ARHGAP26: variants seen among roughly 807,000 people sequenced by gnomAD.
The protein encoded by ARHGAP26 is Rho GTPase activating protein 26.
Under a neutral mutation model 104.8 loss-of-function variants are expected in ARHGAP26, and 38 were observed. That is an observed-to-expected ratio of 0.36 (90% CI 0.28 to 0.48). The LOEUF is 0.48. Among genes scored for constraint, ARHGAP26 ranks in the 20% least tolerant of loss-of-function variants. The pLI, the probability that ARHGAP26 is intolerant of heterozygous loss-of-function variation, is 0.99. For synonymous variants in ARHGAP26, 341 were observed against 340.0 expected (o/e 1.00, Z -0.03); for missense variants, 704 against 947.9 (o/e 0.74, Z 3.38).
chr5:142,848,254 C>G (rs888236225), intron 1 of ARHGAP26, among the ~76,000 whole-genome samples: 1 of 152,200 alleles, frequency 6.6e-6, no homozygotes, highest in African/African-American at 2.4e-5. Flanking sequence ...TTGGTTTTAT[C>G]TGGACAGTGA....
intron 4 of ARHGAP26, among the ~76,000 whole-genome samples, chr5:142,883,180 A>C (rs1240844716): frequency 1.3e-5 from 2 of 152,216 alleles, no homozygotes; most frequent in Non-Finnish European, 1.5e-5. Context: ...AAGTTGCCAG[A>C]ATGTCCCAGA....
rs1358689575 is a variant in ARHGAP26, at chr5:143,054,484, G to A, written c.1331G>A (p.Trp444Ter). Residue 444 changes from tryptophan to a stop codon, truncating the protein, a stop_gained, in exon 15 of 23, where the codon TGG becomes TAG. Transcript: ENST00000645722. LOFTEE classifies it high-confidence loss of function. ...ACAGAAACAGATATCTGTGCTGAATGGGAGATAAAGACCATCACTAGTGCT... is the reference window on the plus strand; with the variant it reads ...ACAGAAACAGATATCTGTGCTGAATAGGAGATAAAGACCATCACTAGTGCT... ...SETETDICAE[W>*]EIKTITSALK... 6.2e-7 allele frequency: 1 copy of A among 1,613,558 alleles called. No individual in the cohort carries two copies. The highest frequency in any genetic ancestry group is 2.2e-5 in the East Asian group (1 of 44,872).
intron 12 of ARHGAP26, among the ~76,000 whole-genome samples, chr5:143,020,607 T>C (rs995683452): frequency 2.0e-5 from 3 of 150,634 alleles, no homozygotes; most frequent in African/African-American, 7.3e-5. Flanking sequence ...TCCTTGTGGT[T>C]TGTTTTTAAT....
Position 142,871,818 on chromosome 5 carries a change from A to G in ARHGAP26, c.155-1582A>G, listed in dbSNP as rs959139470. Among the ~76,000 whole-genome samples, 20 of 152,196 alleles carry G rather than the reference A, an allele frequency of 1.3e-4. No individual in the cohort carries two copies. Among genetic ancestry groups the G allele is most frequent in the Admixed American group, 1.3e-3 (20 of 15,282 alleles). On this transcript the variant is annotated intron_variant, in intron 1 of 22. Transcript: ENST00000645722. The surrounding 1 kb of genome is among the most constrained non-coding windows in gnomAD (Gnocchi z 4.1). ...TGCCAACATCTTTTGACATTTTGGTAAGGACCATTCTGTGAAAGTGACTGA... is the reference window on the plus strand; with the variant it reads ...TGCCAACATCTTTTGACATTTTGGTGAGGACCATTCTGTGAAAGTGACTGA...
At chr5:142,810,705 T>C (rs1763905526) in intron 1 of ARHGAP26, among the ~76,000 whole-genome samples, 1 of 152,224 alleles carries the variant, frequency 6.6e-6, no homozygotes. Flanking sequence ...TTTGCTACAT[T>C]GATGTAATAC....
At chr5:143,084,627 G>T (rs1790286694) in intron 17 of ARHGAP26, among the ~76,000 whole-genome samples, 1 of 152,218 alleles carries the variant, frequency 6.6e-6, no homozygotes, top group Non-Finnish European at 1.5e-5. Flanking sequence ...TCTGGACACT[G>T]CTTCCTCTCC....
At chr5:143,080,753 G>C (rs1330554842) in intron 17 of ARHGAP26, among the ~76,000 whole-genome samples, 1 of 152,144 alleles carries the variant, frequency 6.6e-6, no homozygotes, top group African/African-American at 2.4e-5. Flanking sequence ...GGAGCCACTG[G>C]AGGGTTCTGA....
intron 1 of ARHGAP26, among the ~76,000 whole-genome samples, chr5:142,796,722 G>C (rs992945431): frequency 2.0e-5 from 3 of 152,220 alleles, no homozygotes; most frequent in Non-Finnish European, 4.4e-5. Context: ...TTGCCTATGT[G>C]TATAAGCTCT....
chr5:142,980,625 GCA>G (rs1773808198), intron 11 of ARHGAP26, among the ~76,000 whole-genome samples: 1 of 152,014 alleles, frequency 6.6e-6, no homozygotes, highest in Non-Finnish European at 1.5e-5. Context: ...CTGACCTCAG[GCA>G]ATCTGCCTGC....
rs201177393 is a variant in ARHGAP26 at position 143,207,231 on chromosome 5, G to A, written c.2022G>A (p.Ser674=). The part of the protein sequence containing the change: ...PPNPSPTSPL[S]PSWPMFSAPS... Reference sequence around the variant, plus strand: ...ATCCAAGCCCAACTTCACCCCTCTCGCCATCTTGGCCCATGTTCTCGGCGC... The same window carrying A: ...ATCCAAGCCCAACTTCACCCCTCTCACCATCTTGGCCCATGTTCTCGGCGC... Residue 674 remains serine, a synonymous_variant, in exon 21 of 23, where the codon TCG becomes TCA. Coordinates refer to ENST00000645722, the MANE Select transcript of ARHGAP26 (RefSeq NM_001135608.3). 1.1e-5 allele frequency: 18 copies of A among 1,613,944 alleles called. No individual in the cohort carries two copies. In the East Asian group the frequency reaches 2.2e-4, roughly 20 times the overall value.
intron 12 of ARHGAP26, among the ~76,000 whole-genome samples, chr5:143,023,417 C>T (rs1780605951): frequency 6.6e-6 from 1 of 151,766 alleles, no homozygotes; most frequent in African/African-American, 2.4e-5. Flanking sequence ...TAGGGAAAGC[C>T]TTGATGGGAT....
intron 3 of ARHGAP26, among the ~76,000 whole-genome samples, chr5:142,878,379 G>T (rs2152380630): frequency 6.6e-6 from 1 of 152,290 alleles, no homozygotes; most frequent in East Asian, 1.9e-4. Context: ...TTTGCCCATG[G>T]TCACACAGTT....
chr5:142,938,297 T>G (rs1376108812), intron 11 of ARHGAP26, among the ~76,000 whole-genome samples: 1 of 152,218 alleles, frequency 6.6e-6, no homozygotes, highest in Non-Finnish European at 1.5e-5. Flanking sequence ...AGCTTTGAAA[T>G]GATTCTGCTG....
At chr5:142,995,048 A>G (rs1197937121) in intron 11 of ARHGAP26, among the ~76,000 whole-genome samples, 1 of 152,252 alleles carries the variant, frequency 6.6e-6, no homozygotes, top group Non-Finnish European at 1.5e-5. Context: ...GTAAGACCTA[A>G]GACAATAAAA....
At chr5:142,809,504 C>T (rs1763662720) in intron 1 of ARHGAP26, among the ~76,000 whole-genome samples, 1 of 152,168 alleles carries the variant, frequency 6.6e-6, no homozygotes. Context: ...GTCAAGATGG[C>T]TTTTGGTTTG....
chr5:143,147,208 G>A (rs1799273152), intron 19 of ARHGAP26, 23 bp from the exon 20 acceptor site: 1 of 1,611,182 alleles, frequency 6.2e-7, no homozygotes, highest in South Asian at 1.1e-5. Flanking sequence ...ATTAATATGG[G>A]ACTTGTGGCT....
At chr5:142,988,702 A>T (rs1022271801) in intron 11 of ARHGAP26, among the ~76,000 whole-genome samples, 1 of 152,062 alleles carries the variant, frequency 6.6e-6, no homozygotes, top group Admixed American at 6.5e-5. Flanking sequence ...CTTTGTTCTC[A>T]TTGGTTTCAA....
At chr5:142,895,970 T>G (rs1409297770) in intron 6 of ARHGAP26, among the ~76,000 whole-genome samples, 1 of 151,256 alleles carries the variant, frequency 6.6e-6, no homozygotes, top group Non-Finnish European at 1.5e-5. Flanking sequence ...AGTCTCCATA[T>G]ATGAATATTA....
chr5:142,998,736 A>G (rs1446798978), intron 11 of ARHGAP26, among the ~76,000 whole-genome samples: 1 of 152,108 alleles, frequency 6.6e-6, no homozygotes, highest in East Asian at 1.9e-4. Flanking sequence ...CACCCCCTAA[A>G]AAAAGAACAA....
Sources: gnomAD v4.1 joint callset for allele counts (sites outside exome capture counted in the v4.1 genomes callset) on GRCh38, gnomAD v4.1.1 for gene constraint, Gnocchi (gnomAD v3.1) non-coding constraint, MANE v1.5 for transcripts, NCBI Gene and HGNC (gene_info 2026-07-23, HGNC 2026-07-21) for gene names.